The following TADA2A variants were observed in gnomAD, a reference collection of about 807,000 sequenced individuals.
TADA2A encodes transcriptional adapter 2-alpha.
A neutral mutation model predicts 67.4 loss-of-function variants in TADA2A; 38 were observed. That is an observed-to-expected ratio of 0.56 (90% CI 0.44 to 0.74). The LOEUF (loss-of-function observed/expected upper bound fraction) is 0.74, where lower values mean the gene tolerates loss of function less well. Among genes scored for constraint, TADA2A ranks in the 30% least tolerant of loss-of-function variants. The pLI is 0.00. For missense variants in TADA2A, 454 were observed against 547.0 expected (o/e 0.83, Z 1.70); for synonymous variants, 192 against 181.6 (o/e 1.06, Z -0.46).
chr17:37,477,581 C>G lies in TADA2A; in HGVS notation c.*599C>G, dbSNP rs898077587. The G allele has an allele frequency of 1.3e-5, 2 of 151,826 alleles. No homozygotes were observed. Among genetic ancestry groups the G allele is most frequent in the African/African-American group, 4.8e-5 (2 of 41,248 alleles). 9.4% of individuals were successfully genotyped at this position (151,826 alleles called of 1,614,324 possible). On this transcript the variant is annotated 3_prime_UTR_variant, in exon 16 of 16. Transcript: ENST00000615182. ...CCAGGTTCAAGTGATTCTCCTGCCT[C>G]AGCCTCCCGAATAGCTGGGACTACA...
chr17:37,429,056 A>G (rs1597869862), intron 4 of TADA2A, among the ~76,000 whole-genome samples: 1 of 151,560 alleles, frequency 6.6e-6, no homozygotes, highest in Admixed American at 6.6e-5. Flanking sequence ...AAAAAAAAAA[A>G]AAAAAGAAAA....
chr17:37,410,882 C>T (rs973954384), intron 1 of TADA2A, among the ~76,000 whole-genome samples: 1 of 152,092 alleles, frequency 6.6e-6, no homozygotes, highest in African/African-American at 2.4e-5. Context: ...AAGATGGCAG[C>T]TAAGGAGAGA....
intron 4 of TADA2A, among the ~76,000 whole-genome samples, chr17:37,430,092 C>T (rs1597871580): frequency 1.3e-5 from 2 of 152,208 alleles, no homozygotes; most frequent in African/African-American, 4.8e-5. Flanking sequence ...GGTAGTCATG[C>T]TTATTCACTG....
chr17:37,444,067 G>C (rs1273730862), intron 7 of TADA2A, among the ~76,000 whole-genome samples: 1 of 151,746 alleles, frequency 6.6e-6, no homozygotes, highest in Non-Finnish European at 1.5e-5. Flanking sequence ...GCAAAACGCT[G>C]TTTCTTCAAC....
intron 12 of TADA2A, 90 bp downstream of exon 12, chr17:37,467,615 TA>T: frequency 3.4e-6 from 4 of 1,171,760 alleles, no homozygotes; most frequent in Non-Finnish European, 4.9e-6. Context: ...AATTTTTTTT[TA>T]AAAAACAAGC....
At chr17:37,458,080 C>G (rs1457769580) in intron 8 of TADA2A, among the ~76,000 whole-genome samples, 2 of 152,152 alleles carry the variant, frequency 1.3e-5, no homozygotes, top group Non-Finnish European at 2.9e-5. Flanking sequence ...CTCCTCCCAC[C>G]CTCCACCCTC....
At chr17:37,445,386 C>T (rs1220545499) in intron 8 of TADA2A, among the ~76,000 whole-genome samples, 5 of 152,208 alleles carry the variant, frequency 3.3e-5, no homozygotes, top group East Asian at 1.9e-4. Flanking sequence ...CTGCCTCAGC[C>T]TCCCAAGTAG....
chr17:37,444,842 A>G, intron 8 of TADA2A, 74 bp downstream of exon 8: 1 of 1,339,280 alleles, frequency 7.5e-7, no homozygotes, highest in Non-Finnish European at 1.1e-6. Flanking sequence ...CTAGGAATTG[A>G]AGGATGAATA....
chr17:37,445,197 G>A (rs560804743), intron 8 of TADA2A, among the ~76,000 whole-genome samples: 1 of 152,288 alleles, frequency 6.6e-6, no homozygotes, highest in South Asian at 2.1e-4. Flanking sequence ...AATTCCTCAA[G>A]AGTTTTTAGG....
At chr17:37,469,802 C>G (rs2053746424) in intron 12 of TADA2A, among the ~76,000 whole-genome samples, 1 of 152,096 alleles carries the variant, frequency 6.6e-6, no homozygotes, top group African/African-American at 2.4e-5. Flanking sequence ...TTTTGAAACC[C>G]ACTGGTGCAG....
chr17:37,409,196 A>T (rs925190972), intron 1 of TADA2A, among the ~76,000 whole-genome samples: 2 of 151,934 alleles, frequency 1.3e-5, no homozygotes, highest in South Asian at 2.1e-4. Flanking sequence ...AGCAACTCTC[A>T]TGCCTCAGCC....
intron 6 of TADA2A, 54 bp from the exon 7 acceptor site, chr17:37,442,510 T>G: frequency 7.2e-7 from 1 of 1,393,078 alleles, no homozygotes; most frequent in Non-Finnish European, 1.0e-6. Context: ...TTATGTCATT[T>G]TTTTCATGCC....
intron 10 of TADA2A, among the ~76,000 whole-genome samples, chr17:37,463,217 TAAG>T (rs1192915478): frequency 6.6e-6 from 1 of 152,176 alleles, no homozygotes; most frequent in Non-Finnish European, 1.5e-5. Context: ...CTTCCACAAC[TAAG>T]AAGGATGATG....
At chr17:37,429,557 T>C (rs1021420522) in intron 4 of TADA2A, among the ~76,000 whole-genome samples, 28 of 152,128 alleles carry the variant, frequency 1.8e-4, no homozygotes, top group African/African-American at 6.0e-4. Context: ...GCTGGAATTA[T>C]AGACATGAGC....
At chr17:37,465,354 G>GAA in intron 10 of TADA2A, 77 bp from the exon 11 acceptor site, 1 of 1,047,470 alleles carries the variant, frequency 9.5e-7, no homozygotes, top group Non-Finnish European at 1.4e-6. Context: ...TTTACTAATT[G>GAA]TAAAAAAAAA....
At chr17:37,441,381 C>T (rs895947789) in intron 6 of TADA2A, among the ~76,000 whole-genome samples, 3 of 151,954 alleles carry the variant, frequency 2.0e-5, no homozygotes, top group African/African-American at 7.2e-5. Flanking sequence ...GTATTTGACT[C>T]ATTATTATTA....
At chr17:37,416,893 C>G (rs1490400286) in intron 2 of TADA2A, among the ~76,000 whole-genome samples, 1 of 150,972 alleles carries the variant, frequency 6.6e-6, no homozygotes, top group Non-Finnish European at 1.5e-5. Flanking sequence ...AAAAAAAAAG[C>G]CTCTCTCTTG....
At chr17:37,411,222 C>A (rs1357373039) in intron 1 of TADA2A, 47 bp from the exon 2 acceptor site, 2 of 735,660 alleles carry the variant, frequency 2.7e-6, no homozygotes, top group African/African-American at 3.5e-5. Context: ...TTATCTTGTC[C>A]CTTTGAATGA....
chr17:37,449,285 T>C (rs1042319444), intron 8 of TADA2A, among the ~76,000 whole-genome samples: 7 of 152,196 alleles, frequency 4.6e-5, no homozygotes, highest in African/African-American at 1.7e-4. Flanking sequence ...CCTCCCAAAG[T>C]GCTGGGATTA....
Sources: gnomAD v4.1 joint callset for allele counts (sites outside exome capture counted in the v4.1 genomes callset) on GRCh38, gnomAD v4.1.1 for gene constraint, MANE v1.5 for transcripts, NCBI Gene and HGNC (gene_info 2026-07-23, HGNC 2026-07-21) for gene names.